The following CCDC30 variants were observed in gnomAD, a reference collection of about 807,000 sequenced individuals.
The protein encoded by CCDC30 is coiled-coil domain containing 30, also known as coiled-coil domain-containing protein 30.
In CCDC30, 70 loss-of-function variants were observed where a neutral mutation model predicts 100.2. That is an observed-to-expected ratio of 0.70 (90% CI 0.58 to 0.85). CCDC30 has a LOEUF of 0.85. Ranked by LOEUF, CCDC30 falls within the 40% of genes least tolerant of loss-of-function variation. The pLI is 0.00. For synonymous variants in CCDC30, 233 were observed against 269.5 expected, an observed-to-expected ratio of 0.86 and a Z score of 1.33; for missense variants, 652 against 771.2, an observed-to-expected ratio of 0.85 and a Z score of 1.83.
At chr1:42,541,760 T>C (rs1359639974) in intron 6 of CCDC30, among the ~76,000 whole-genome samples, 1 of 152,230 alleles carries the variant, frequency 6.6e-6, no homozygotes, top group Non-Finnish European at 1.5e-5. Context: ...AGTTATATTC[T>C]AGTTTTTCTT....
intron 6 of CCDC30, among the ~76,000 whole-genome samples, chr1:42,556,980 A>T (rs1645383626): frequency 6.6e-6 from 1 of 152,148 alleles, no homozygotes; most frequent in South Asian, 2.1e-4. Context: ...TTTACTAGGG[A>T]TCTGCCTGTA....
exon 1 of CCDC30, chr1:42,463,377 A>G (rs1643467654): frequency 6.6e-6 from 1 of 152,230 alleles, no homozygotes; most frequent in Non-Finnish European, 1.5e-5. Context: ...CACCCTCCGC[A>G]GGAAAATTTC....
intron 6 of CCDC30, among the ~76,000 whole-genome samples, chr1:42,522,894 G>C (rs760448174): frequency 1.2e-4 from 18 of 149,072 alleles, no homozygotes; most frequent in Admixed American, 2.7e-4. Context: ...CTTTTTTTTT[G>C]AGATGGAGTC....
the CCDC30 span, chr1:42,456,878 C>G: frequency 1.2e-6 from 2 of 1,613,230 alleles, no homozygotes; most frequent in Non-Finnish European, 1.7e-6. Context: ...GCTGTCCGCT[C>G]TGCGGCCTTC....
At chr1:42,549,674 G>C (rs143192466) in intron 6 of CCDC30, among the ~76,000 whole-genome samples, 508 of 152,264 alleles carry the variant, frequency 3.3e-3, no homozygotes, top group African/African-American at 0.012. Flanking sequence ...CAGACACATA[G>C]TAGGTACTCA....
chr1:42,497,679 T>C (rs192134779), intron 5 of CCDC30, among the ~76,000 whole-genome samples: 4 of 152,318 alleles, frequency 2.6e-5, no homozygotes, highest in Non-Finnish European at 4.4e-5. Context: ...TAATCATATA[T>C]CTAATATCTA....
intron 10 of CCDC30, among the ~76,000 whole-genome samples, chr1:42,605,794 A>G (rs2148632096): frequency 6.6e-6 from 1 of 152,148 alleles, no homozygotes; most frequent in African/African-American, 2.4e-5. Context: ...GCCCAAAGTC[A>G]CTCTTAGATG....
intron 6 of CCDC30, among the ~76,000 whole-genome samples, chr1:42,547,945 T>C (rs1645177498): frequency 6.6e-6 from 1 of 152,228 alleles, no homozygotes; most frequent in South Asian, 2.1e-4. Context: ...GCATGGGCTC[T>C]GGCCCAGGCT....
chr1:42,484,477 C>T lies in CCDC30; in HGVS notation c.169+1661C>T, dbSNP rs538081149. Among the ~76,000 whole-genome samples the T allele has an allele frequency of 9.8e-5, 15 of 152,304 alleles. No homozygotes were observed. The South Asian group carries it at 2.9e-3, about 29-fold the overall frequency. On this transcript the variant is annotated intron_variant, in intron 3 of 16. Coordinates refer to ENST00000668663, the Ensembl canonical transcript of CCDC30. ...GACACAACAGAACACAATCACATAG[C>T]AACCTGTTCTATCAGCAGTTGCTCT...
chr1:42,508,191 C>T (rs772216432), intron 6 of CCDC30, among the ~76,000 whole-genome samples: 4 of 152,132 alleles, frequency 2.6e-5, no homozygotes, highest in Non-Finnish European at 5.9e-5. Flanking sequence ...CAGCTGAAGG[C>T]AAAGACAGAT....
chr1:42,577,459 A>G (rs1482210294), intron 8 of CCDC30, among the ~76,000 whole-genome samples: 2 of 151,974 alleles, frequency 1.3e-5, no homozygotes, highest in South Asian at 2.1e-4. Flanking sequence ...TATTAAAGCG[A>G]TAACATGAAC....
At chr1:42,527,473 G>A (rs950003036) in intron 6 of CCDC30, among the ~76,000 whole-genome samples, 8 of 152,060 alleles carry the variant, frequency 5.3e-5, no homozygotes, top group African/African-American at 1.9e-4. Context: ...AATGTCCCTA[G>A]GACTCAGCAA....
At chr1:42,474,278 C>G (rs1363127946) in intron 1 of CCDC30, among the ~76,000 whole-genome samples, 2 of 152,076 alleles carry the variant, frequency 1.3e-5, no homozygotes, top group Non-Finnish European at 2.9e-5. Flanking sequence ...TAACTCTGGG[C>G]AAGTTACTCA....
chr1:42,629,011 C>G (rs1053221251), intron 11 of CCDC30, among the ~76,000 whole-genome samples: 14 of 152,084 alleles, frequency 9.2e-5, no homozygotes, highest in African/African-American at 3.4e-4. Context: ...TTGTTGTAGT[C>G]ATTATTTTTT....
chr1:42,638,572 A>AAAAAG (rs1557483521), intron 12 of CCDC30, among the ~76,000 whole-genome samples: 1 of 151,212 alleles, frequency 6.6e-6, no homozygotes, highest in Non-Finnish European at 1.5e-5. Context: ...AAAAAAAAAA[A>AAAAAG]AAAAGAAAAG....
chr1:42,509,435 C>A (rs1002044875), intron 6 of CCDC30, among the ~76,000 whole-genome samples: 4 of 152,140 alleles, frequency 2.6e-5, no homozygotes, highest in African/African-American at 9.7e-5. Context: ...CTTGATAGAT[C>A]AACTAGCACC....
At chr1:42,603,959 C>T (rs928462312) in intron 10 of CCDC30, among the ~76,000 whole-genome samples, 1 of 152,200 alleles carries the variant, frequency 6.6e-6, no homozygotes, top group South Asian at 2.1e-4. Flanking sequence ...GTGGCTCACA[C>T]CTGTAATTCT....
chr1:42,649,235 A>G (rs1362390008), intron 15 of CCDC30, among the ~76,000 whole-genome samples: 1 of 152,216 alleles, frequency 6.6e-6, no homozygotes, highest in African/African-American at 2.4e-5. Flanking sequence ...AGGCAAGACT[A>G]TAAAAAGATC....
intron 12 of CCDC30, among the ~76,000 whole-genome samples, chr1:42,641,988 G>T (rs1647448532): frequency 1.3e-5 from 2 of 152,174 alleles, no homozygotes; most frequent in Non-Finnish European, 2.9e-5. Flanking sequence ...CAATTTGGGA[G>T]GCCAAGGTGG....
Sources: gnomAD v4.1 joint callset for allele counts (sites outside exome capture counted in the v4.1 genomes callset) on GRCh38, gnomAD v4.1.1 for gene constraint, MANE v1.5 for transcripts, NCBI Gene and HGNC (gene_info 2026-07-23, HGNC 2026-07-21) for gene names.